The following ESF1 variants were observed in gnomAD, a reference collection of about 807,000 sequenced individuals.
ESF1 encodes the protein ESF1 homolog.
A neutral mutation model predicts 92.0 loss-of-function variants in ESF1; 58 were observed. The observed-to-expected ratio is 0.63, with a 90% CI of 0.51 to 0.78. The LOEUF is 0.78. ESF1 is among the 30% of genes least tolerant of loss of function. The probability of loss-of-function intolerance (pLI) is 0.00; values close to 1 mark genes in which losing one functional copy is unlikely to be tolerated. For synonymous variants in ESF1, 321 were observed against 313.7 expected (o/e 1.02, Z -0.24); for missense variants, 922 against 989.1 (o/e 0.93, Z 0.91).
chr20:13,771,030 C>T (rs1483825629), intron 6 of ESF1, among the ~76,000 whole-genome samples: 2 of 152,192 alleles, frequency 1.3e-5, no homozygotes, highest in Non-Finnish European at 2.9e-5. Context: ...AAGTTAACTT[C>T]ATCTGGTTCC....
intron 9 of ESF1, among the ~76,000 whole-genome samples, chr20:13,740,165 T>C (rs2050002472): frequency 6.6e-6 from 1 of 152,182 alleles, no homozygotes; most frequent in African/African-American, 2.4e-5. Flanking sequence ...CCCTCAGGCA[T>C]CTGGCAAATA....
chr20:13,764,139 A>T (rs946408522), intron 8 of ESF1, among the ~76,000 whole-genome samples: 3 of 152,266 alleles, frequency 2.0e-5, no homozygotes, highest in Non-Finnish European at 4.4e-5. Context: ...AAAAATGTTA[A>T]GCTACAAATT....
intron 10 of ESF1, among the ~76,000 whole-genome samples, chr20:13,733,473 G>A (rs7360405): frequency 0.33 from 49,486 of 152,158 alleles, 8,387 homozygotes; most frequent in Middle Eastern, 0.49. Flanking sequence ...TAGGTGGCAT[G>A]TAAATGTAAA....
chr20:13,734,074 A>C (rs924852227), intron 9 of ESF1, among the ~76,000 whole-genome samples: 2 of 152,200 alleles, frequency 1.3e-5, no homozygotes, highest in African/African-American at 2.4e-5. Flanking sequence ...CAAAATCAAA[A>C]CAAACCAACA....
At chr20:13,732,934 A>G (rs1212749146) in intron 10 of ESF1, among the ~76,000 whole-genome samples, 1 of 151,550 alleles carries the variant, frequency 6.6e-6, no homozygotes, top group Non-Finnish European at 1.5e-5. Flanking sequence ...TTATTTATTT[A>G]TTTATTTATT....
At chr20:13,752,370 A>G in intron 9 of ESF1, among the ~76,000 whole-genome samples, 1 of 152,152 alleles carries the variant, frequency 6.6e-6, no homozygotes, top group East Asian at 1.9e-4. Context: ...CCACCACCAA[A>G]ATCTGAGGCA....
chr20:13,736,372 TA>T (rs1011879357), intron 9 of ESF1, among the ~76,000 whole-genome samples: 2 of 151,734 alleles, frequency 1.3e-5, no homozygotes, highest in African/African-American at 4.8e-5. Context: ...AAATCATTTC[TA>T]AAAAAAAGGG....
At chr20:13,771,866 T>C (rs1600292661) in intron 5 of ESF1, among the ~76,000 whole-genome samples, 1 of 152,032 alleles carries the variant, frequency 6.6e-6, no homozygotes, top group Admixed American at 6.5e-5. Flanking sequence ...TGCAAAATGT[T>C]TGCTTAAGAG....
intron 2 of ESF1, among the ~76,000 whole-genome samples, chr20:13,780,600 A>C (rs1980136906): frequency 1.3e-5 from 2 of 151,868 alleles, no homozygotes; most frequent in Non-Finnish European, 2.9e-5. Flanking sequence ...TCTGCTTATC[A>C]AGACCTCTTG....
At chr20:13,776,518 T>C (rs1293718562) in intron 2 of ESF1, among the ~76,000 whole-genome samples, 1 of 152,166 alleles carries the variant, frequency 6.6e-6, no homozygotes, top group Non-Finnish European at 1.5e-5. Context: ...CATGCTCACA[T>C]CACGCAAGTA....
At chr20:13,753,066 C>A (rs765726029) in intron 9 of ESF1, among the ~76,000 whole-genome samples, 7 of 152,110 alleles carry the variant, frequency 4.6e-5, no homozygotes, top group Non-Finnish European at 8.8e-5. Flanking sequence ...CACATCCCTA[C>A]CACTATGAAA....
At chr20:13,760,696 G>A (rs1417263671) in intron 8 of ESF1, among the ~76,000 whole-genome samples, 11 of 151,504 alleles carry the variant, frequency 7.3e-5, no homozygotes, top group South Asian at 2.1e-4. Flanking sequence ...CAGCCGCCCC[G>A]TCTGGGAGGG....
intron 8 of ESF1, among the ~76,000 whole-genome samples, chr20:13,762,076 C>T (rs1316354893): frequency 1.3e-5 from 2 of 151,916 alleles, no homozygotes; most frequent in Non-Finnish European, 2.9e-5. Flanking sequence ...TCATTTTGTC[C>T]TTGTATCTTT....
intron 5 of ESF1, among the ~76,000 whole-genome samples, chr20:13,771,963 T>C (rs999628543): frequency 2.0e-5 from 3 of 151,434 alleles, no homozygotes; most frequent in African/African-American, 7.3e-5. Context: ...GATACAACTC[T>C]TTCTTTGAAG....
intron 13 of ESF1, among the ~76,000 whole-genome samples, chr20:13,715,679 C>T (rs889446975): frequency 2.0e-5 from 3 of 152,148 alleles, no homozygotes; most frequent in Non-Finnish European, 2.9e-5. Flanking sequence ...GGCAAATAAT[C>T]CATCTGAGAT....
At chr20:13,728,338 T>G (rs747828317) in intron 11 of ESF1, 40 bp downstream of exon 11, 1 of 1,491,226 alleles carries the variant, frequency 6.7e-7, no homozygotes, top group South Asian at 1.2e-5. Context: ...ACCTTTTTCT[T>G]TAGATTCCAG....
chr20:13,748,975 T>G (rs1978465943), intron 9 of ESF1, among the ~76,000 whole-genome samples: 1 of 152,152 alleles, frequency 6.6e-6, no homozygotes, highest in African/African-American at 2.4e-5. Context: ...TTTACAGCAA[T>G]GGGATCCTAA....
intron 7 of ESF1, among the ~76,000 whole-genome samples, chr20:13,767,268 T>C (rs553724616): frequency 6.6e-6 from 1 of 152,304 alleles, no homozygotes; most frequent in South Asian, 2.1e-4. Context: ...GGCTCACACT[T>C]GTAATCCCAA....
At chr20:13,749,766 C>T (rs923679574) in intron 9 of ESF1, among the ~76,000 whole-genome samples, 1 of 151,766 alleles carries the variant, frequency 6.6e-6, no homozygotes, top group Admixed American at 6.6e-5. Context: ...GGGGTTTCAC[C>T]ATGTTGGCCA....
Sources: allele counts gnomAD v4.1 joint callset (sites outside exome capture counted in the v4.1 genomes callset), GRCh38; gene constraint gnomAD v4.1.1; transcripts MANE v1.5; gene names NCBI Gene and HGNC (gene_info 2026-07-23, HGNC 2026-07-21).